The following SAMTOR variants were observed in gnomAD, a reference collection of about 807,000 sequenced individuals.
SAMTOR encodes the protein UPF0532 protein C7orf60.
chr7:112,873,809 A>C, the SAMTOR span, among the ~76,000 whole-genome samples: 1 of 152,190 alleles, frequency 6.6e-6, no homozygotes, highest in African/African-American at 2.4e-5. Flanking sequence ...CAAACTATGG[A>C]TCTGACAAAG....
chr7:112,878,270 G>A, the SAMTOR span, among the ~76,000 whole-genome samples: 25 of 152,234 alleles, frequency 1.6e-4, no homozygotes, highest in Non-Finnish European at 3.4e-4. Flanking sequence ...CTATAGTTTG[G>A]TGCAACTGCC....
chr7:112,918,689 T>C, the SAMTOR span, among the ~76,000 whole-genome samples: 11 of 152,278 alleles, frequency 7.2e-5, no homozygotes, highest in East Asian at 2.1e-3. Context: ...CAGTGTGCTG[T>C]ATTCAGGAAA....
the SAMTOR span, among the ~76,000 whole-genome samples, chr7:112,841,907 C>T: frequency 1.1e-4 from 16 of 152,214 alleles, no homozygotes; most frequent in African/African-American, 3.9e-4. Context: ...ACCTTCCTTA[C>T]ACCTTATACA....
At chr7:112,892,463 G>GT in the SAMTOR span, among the ~76,000 whole-genome samples, 1 of 152,180 alleles carries the variant, frequency 6.6e-6, no homozygotes, top group Non-Finnish European at 1.5e-5. Context: ...CTTACAAAAT[G>GT]TATTTCTTAA....
At chr7:112,917,773 G>A in the SAMTOR span, among the ~76,000 whole-genome samples, 30 of 152,288 alleles carry the variant, frequency 2.0e-4, no homozygotes, top group South Asian at 3.3e-3. Flanking sequence ...GGAGCTGAAA[G>A]CCAAGGCTCG....
At chr7:112,913,010 C>A in the SAMTOR span, among the ~76,000 whole-genome samples, 1 of 152,174 alleles carries the variant, frequency 6.6e-6, no homozygotes, top group Non-Finnish European at 1.5e-5. Flanking sequence ...TGGTCTTAAA[C>A]AGCAATAGTA....
chr7:112,929,833 C>T, the SAMTOR span, among the ~76,000 whole-genome samples: 225 of 151,938 alleles, frequency 1.5e-3, 2 homozygotes, highest in Middle Eastern at 6.8e-3. Context: ...TCAAAACTTA[C>T]GGAATTATAT....
At chr7:112,880,251 C>T in the SAMTOR span, among the ~76,000 whole-genome samples, 105 of 152,232 alleles carry the variant, frequency 6.9e-4, no homozygotes, top group African/African-American at 2.5e-3. Context: ...TATTTTCATT[C>T]TCAATGCCTA....
the SAMTOR span, among the ~76,000 whole-genome samples, chr7:112,855,340 CTT>C: frequency 6.6e-6 from 1 of 152,166 alleles, no homozygotes; most frequent in Non-Finnish European, 1.5e-5. Flanking sequence ...CTACCACAAA[CTT>C]AACTTTAAAA....
chr7:112,886,353 T>C, the SAMTOR span, among the ~76,000 whole-genome samples: 5 of 152,242 alleles, frequency 3.3e-5, no homozygotes, highest in African/African-American at 1.2e-4. Context: ...TTGCTAGAGA[T>C]AATGGAATTA....
the SAMTOR span, among the ~76,000 whole-genome samples, chr7:112,860,631 C>T: frequency 2.0e-5 from 3 of 151,878 alleles, no homozygotes; most frequent in Non-Finnish European, 2.9e-5. Context: ...TGCCAGGCGC[C>T]GTGGCTCACG....
chr7:112,907,837 A>T, the SAMTOR span, among the ~76,000 whole-genome samples: 135 of 126,134 alleles, frequency 1.1e-3, no homozygotes, highest in African/African-American at 3.1e-3. Context: ...GGGTATTCTT[A>T]CTTACTTATT....
the SAMTOR span, among the ~76,000 whole-genome samples, chr7:112,847,806 A>C: frequency 6.6e-6 from 1 of 151,934 alleles, no homozygotes; most frequent in Non-Finnish European, 1.5e-5. Context: ...TACAACTACA[A>C]GGACTGTCAA....
chr7:112,848,612 A>G, the SAMTOR span, among the ~76,000 whole-genome samples: 1 of 152,208 alleles, frequency 6.6e-6, no homozygotes, highest in Non-Finnish European at 1.5e-5. Context: ...ATGGAGGGGG[A>G]TGGTGGAGAG....
At chr7:112,935,191 G>C in the SAMTOR span, 1 of 433,176 alleles carries the variant, frequency 2.3e-6, no homozygotes, top group Non-Finnish European at 4.6e-6. Context: ...CCTCACTTGA[G>C]AAAAGAATCT....
chr7:112,864,138 G>A, the SAMTOR span, among the ~76,000 whole-genome samples: 1 of 152,126 alleles, frequency 6.6e-6, no homozygotes, highest in African/African-American at 2.4e-5. Context: ...GCAAACTAAC[G>A]CAGGAACAGA....
the SAMTOR span, among the ~76,000 whole-genome samples, chr7:112,878,212 C>T: frequency 1.3e-5 from 2 of 152,046 alleles, no homozygotes; most frequent in African/African-American, 4.8e-5. Flanking sequence ...TTAAGTAAAA[C>T]TGGCTTTAAA....
At chr7:112,872,596 T>G in the SAMTOR span, among the ~76,000 whole-genome samples, 1 of 151,966 alleles carries the variant, frequency 6.6e-6, no homozygotes, top group Non-Finnish European at 1.5e-5. Flanking sequence ...CTATTCAACA[T>G]AGTTGAACAT....
the SAMTOR span, among the ~76,000 whole-genome samples, chr7:112,898,649 A>AT: frequency 6.6e-6 from 1 of 151,450 alleles, no homozygotes; most frequent in African/African-American, 2.4e-5. Flanking sequence ...GTAAACATCA[A>AT]TGACAGTTCA....
Sources: gnomAD v4.1 joint callset for allele counts (sites outside exome capture counted in the v4.1 genomes callset) on GRCh38, gnomAD v4.1.1 for gene constraint, MANE v1.5 for transcripts, NCBI Gene and HGNC (gene_info 2026-07-23, HGNC 2026-07-21) for gene names.